Variants in KIFC1 observed in about 807,000 individuals in gnomAD.
KIFC1 encodes kinesin family member C1.
KIFC1 carries 37 observed loss-of-function variants against 66.6 expected under a neutral mutation model. The ratio of observed to expected loss-of-function variants is 0.56; its 90% CI spans 0.43 to 0.73. The LOEUF is 0.73. KIFC1 is among the 30% of genes least tolerant of loss of function. The probability of loss-of-function intolerance (pLI) is 0.00; values close to 1 mark genes in which losing one functional copy is unlikely to be tolerated. For synonymous variants in KIFC1, 325 were observed against 343.5 expected (o/e 0.95, Z 0.60); for missense variants, 721 against 859.8 (o/e 0.84, Z 2.02).
chr6:33,392,892 A>G (rs1379437782), intron 1 of KIFC1, among the ~76,000 whole-genome samples: 1 of 152,230 alleles, frequency 6.6e-6, no homozygotes, highest in East Asian at 1.9e-4. Flanking sequence ...GTAGGTACTT[A>G]GGATGCAGCA....
chr6:33,397,374 C>T (rs549395262), intron 1 of KIFC1, among the ~76,000 whole-genome samples: 5 of 150,684 alleles, frequency 3.3e-5, no homozygotes, highest in East Asian at 2.0e-4. Flanking sequence ...CTCGGCTCAC[C>T]GCAACCTCTG....
rs1381953502 is a variant in KIFC1 at position 33,406,957 on chromosome 6, G to T, written c.1977+82G>T. The T allele has an allele frequency of 1.3e-6, 2 of 1,587,472 alleles. No homozygotes were observed. The highest frequency in any genetic ancestry group is 4.5e-5 in the East Asian group (2 of 44,320). ...ATTCCAATCCCTTTTGTCTTCTAGGGCAGGGAGCACATTTGTGCAGAAAGG... is the reference window on the plus strand; with the variant it reads ...ATTCCAATCCCTTTTGTCTTCTAGGTCAGGGAGCACATTTGTGCAGAAAGG... On this transcript the variant is annotated intron_variant, in intron 10 of 10. Transcript: ENST00000428849. The surrounding 1 kb of genome is among the most constrained non-coding windows in gnomAD (Gnocchi z 4.5).
At position 33,391,910 on chromosome 6, in the gene KIFC1, A is replaced by G; in HGVS notation, c.-76A>G. ...ACCCTGCTTCGCGAGCGGGCGAGAG[A>G]ACGCGAGTCCCAGGATCCCCGGCAC... On this transcript the variant is annotated 5_prime_UTR_variant, in exon 1 of 11. Coordinates refer to ENST00000428849, the MANE Select transcript of KIFC1 (RefSeq NM_002263.4). The G allele has an allele frequency of 6.3e-7, 1 of 1,580,468 alleles. No individual in the cohort carries two copies. Among genetic ancestry groups the G allele is most frequent in the Admixed American group, 1.7e-5 (1 of 59,804 alleles).
At chr6:33,409,508 C>G in intron 10 of KIFC1, 138 bp from the exon 11 acceptor site, 2 of 843,862 alleles carry the variant, frequency 2.4e-6, no homozygotes, top group Non-Finnish European at 4.1e-6. Flanking sequence ...ATAACTGGCA[C>G]CAGCCTGAAC....
At position 33,400,533 on chromosome 6, in the gene KIFC1, G is replaced by T. The variant is rs191423790; in HGVS notation, c.250+2146G>T. The T allele has an allele frequency of 2.0e-6, 3 of 1,537,612 alleles. No homozygotes were observed. Among genetic ancestry groups the T allele is most frequent in the Admixed American group, 1.7e-5 (1 of 58,372 alleles). On this transcript the variant is annotated intron_variant, in intron 3 of 10. Coordinates refer to ENST00000428849, the MANE Select transcript of KIFC1 (RefSeq NM_002263.4). This position sits in a 1 kb window ranked among gnomAD's most constrained non-coding sequence, Gnocchi z 4.3. ...ACCTCAGGTATACGACCTTGATCTC[G>T]TTGGGGTCGAACTTCGGTGGCATGG...
chr6:33,409,763 C>A lies in KIFC1; in HGVS notation c.*73C>A. 2.6e-6 allele frequency: 3 copies of A among 1,152,074 alleles called. No individual in the cohort carries two copies. Among genetic ancestry groups the A allele is most frequent in the Non-Finnish European group, 2.4e-6 (2 of 818,478 alleles). The allele number at this position is 1,152,074 out of a possible 1,614,324, so 71.4% of individuals were successfully genotyped here. ...TGTGTGTGTGTGTGTGTCCCTATGT[C>A]TATGTATCGGGTGAGGGGTGGGAGG... On this transcript the variant is annotated 3_prime_UTR_variant, in exon 11 of 11. Transcript: ENST00000428849.
In KIFC1 at chr6:33,404,304, CCTGA is replaced by C. The variant is rs1427744122; in HGVS notation, c.756+179_756+182del. On this transcript the variant is annotated intron_variant, in intron 6 of 10. Coordinates refer to ENST00000428849, the MANE Select transcript of KIFC1 (RefSeq NM_002263.4). The surrounding 1 kb of genome is among the most constrained non-coding windows in gnomAD (Gnocchi z 4.0). ...TGACCTGTCTGCACCCCAGCCCACT[CCTGA>C]CTGTCTTGCTTTCTGCCACGCTTCT... Among the ~76,000 whole-genome samples, 2 of 152,168 alleles carry C rather than the reference CCTGA, an allele frequency of 1.3e-5. No homozygotes were observed. The highest frequency in any genetic ancestry group is 2.9e-5 in the Non-Finnish European group (2 of 68,040).
At position 33,406,775 on chromosome 6, in the gene KIFC1, G is replaced by A. The variant is rs1354701770; in HGVS notation, c.1902-25G>A. ...AGGCTCTGCTGGCCCCTAATGCTGG[G>A]GTTGGGCACATTGTCTTTTCATAGG... On this transcript the variant is annotated intron_variant, in intron 9 of 10. Coordinates refer to ENST00000428849, the MANE Select transcript of KIFC1 (RefSeq NM_002263.4). The surrounding 1 kb of genome is among the most constrained non-coding windows in gnomAD (Gnocchi z 4.5). 6.2e-7 allele frequency: 1 copy of A among 1,613,858 alleles called. No individual in the cohort carries two copies. Among genetic ancestry groups the A allele is most frequent in the African/African-American group, 1.3e-5 (1 of 74,880 alleles).
At chr6:33,391,679 G>A (rs1006211283), upstream of KIFC1, 7 of 572,746 alleles carry the variant, frequency 1.2e-5, no homozygotes, top group Non-Finnish European at 2.2e-5. Context: ...CCTCTCCTGC[G>A]CCTGCGAAAC....
At chr6:33,393,723 G>A (rs1196834224) in intron 1 of KIFC1, among the ~76,000 whole-genome samples, 1 of 150,794 alleles carries the variant, frequency 6.6e-6, no homozygotes, top group African/African-American at 2.4e-5. Flanking sequence ...TGGGATTACA[G>A]GCATGAGCCA....
At chr6:33,396,965 A>G (rs1775076987) in intron 1 of KIFC1, among the ~76,000 whole-genome samples, 1 of 141,284 alleles carries the variant, frequency 7.1e-6, no homozygotes, top group Non-Finnish European at 1.5e-5. Context: ...TATAGGCATA[A>G]GCCACCGCGC....
rs1338649641 is a variant in KIFC1, at chr6:33,406,649, G to A, written c.1885G>A (p.Gly629Ser). 2.0e-5 allele frequency: 32 copies of A among 1,614,042 alleles called. No homozygotes were observed. Among genetic ancestry groups the A allele is most frequent in the Non-Finnish European group, 2.6e-5 (31 of 1,180,032 alleles). ...KLTYLLQNSL[G>S]GSAKMLMFVN... ...GACCTACCTGCTGCAGAACTCTCTG[G>A]GTGGTAGTGCTAAGATGTGAGTGAA... The change falls in exon 9 of 11, where the codon GGT becomes AGT. Residue 629 changes from glycine to serine, a missense_variant. Gly to Ser is a moderately conservative substitution (Grantham distance 56). Transcript: ENST00000428849. The surrounding 1 kb of genome is among the most constrained non-coding windows in gnomAD (Gnocchi z 4.5).
chr6:33,406,127 T>A lies in KIFC1; in HGVS notation c.1537-69T>A. 7.0e-7 allele frequency: 1 copy of A among 1,427,868 alleles called. No individual in the cohort carries two copies. Among genetic ancestry groups the A allele is most frequent in the South Asian group, 1.4e-5 (1 of 73,522 alleles). 88.4% of individuals were successfully genotyped at this position (1,427,868 alleles called of 1,614,324 possible). ...CAAGAGGGTGGGGGTGGGCTCTTAT[T>A]CATTTCCATACATATTACTATGTAC... is the stretch of plus-strand genomic sequence containing the variant. On this transcript the variant is annotated intron_variant, in intron 7 of 10. Transcript: ENST00000428849. This position sits in a 1 kb window ranked among gnomAD's most constrained non-coding sequence, Gnocchi z 4.5.
chr6:33,407,871 C>T (rs148147946), intron 10 of KIFC1, among the ~76,000 whole-genome samples: 2 of 152,328 alleles, frequency 1.3e-5, no homozygotes, highest in East Asian at 3.9e-4. Context: ...CCTCCTCCTG[C>T]GCGTATAGCC....
intron 1 of KIFC1, among the ~76,000 whole-genome samples, chr6:33,396,987 C>CTTTTTTTTTTTTTTT (rs9282514): frequency 4.5e-5 from 4 of 89,226 alleles, no homozygotes; most frequent in Admixed American, 1.5e-4. Flanking sequence ...TGGCCAAGTT[C>CTTTTTTTTTTTTTTT]TTTTTTTTTT....
chr6:33,406,999 G>A lies in KIFC1; in HGVS notation c.1977+124G>A. On this transcript the variant is annotated intron_variant, in intron 10 of 10. Coordinates refer to ENST00000428849, the MANE Select transcript of KIFC1 (RefSeq NM_002263.4). This position sits in a 1 kb window ranked among gnomAD's most constrained non-coding sequence, Gnocchi z 4.5. The stretch of plus-strand genomic sequence containing the variant: ...GCAGAAAGGTTTTGCAGGTATCTGA[G>A]GCACTGCTCACCTGGTTCCATTTTT... The A allele has an allele frequency of 6.8e-7, 1 of 1,478,522 alleles. No homozygotes were observed. The highest frequency in any genetic ancestry group is 9.0e-7 in the Non-Finnish European group (1 of 1,113,162). 91.6% of individuals were successfully genotyped at this position (1,478,522 alleles called of 1,614,324 possible). A position where few individuals can be genotyped will look rare whatever the true frequency, so the allele number is the denominator to read the frequency against.
At chr6:33,394,527 G>A (rs1774937137) in intron 1 of KIFC1, among the ~76,000 whole-genome samples, 1 of 152,106 alleles carries the variant, frequency 6.6e-6, no homozygotes, top group African/African-American at 2.4e-5. Flanking sequence ...TGTTGCCCAG[G>A]CTGGAGTGCA....
chr6:33,398,589 G>C (rs541039901), intron 3 of KIFC1, among the ~76,000 whole-genome samples: 1 of 151,994 alleles, frequency 6.6e-6, no homozygotes, highest in African/African-American at 2.4e-5. Context: ...TCAGCCTCCC[G>C]AGTAGCTGGG....
rs368076493 is a variant in KIFC1, at chr6:33,398,012, G to T, written c.13-17G>T. On this transcript the variant is annotated splice_polypyrimidine_tract_variant and intron_variant, in intron 1 of 10. Coordinates refer to ENST00000428849, the MANE Select transcript of KIFC1 (RefSeq NM_002263.4). ...TGGGCTCCTGGGTATTGTCTTAAGG[G>T]TCTCTTTTCCCAACAGAGGTCCCCC... 4.3e-6 allele frequency: 7 copies of T among 1,613,706 alleles called. No individual in the cohort carries two copies. Among genetic ancestry groups the T allele is most frequent in the Non-Finnish European group, 5.9e-6 (7 of 1,179,932 alleles).
Sources: allele counts gnomAD v4.1 joint callset (sites outside exome capture counted in the v4.1 genomes callset), GRCh38; gene constraint gnomAD v4.1.1; non-coding constraint Gnocchi (gnomAD v3.1); transcripts MANE v1.5; gene names NCBI Gene and HGNC (gene_info 2026-07-23, HGNC 2026-07-21).